The following KCNN2 variants were observed in gnomAD, a reference collection of about 807,000 sequenced individuals.
KCNN2 encodes small conductance calcium-activated potassium channel protein 2.
In KCNN2, 24 loss-of-function variants were observed where a neutral mutation model predicts 55.5. The ratio of observed to expected loss-of-function variants is 0.43; its 90% CI spans 0.31 to 0.61. The LOEUF (loss-of-function observed/expected upper bound fraction) is 0.61, where lower values mean the gene tolerates loss of function less well. Among genes scored for constraint, KCNN2 ranks in the 20% least tolerant of loss-of-function variants. The pLI is 0.08. For synonymous variants in KCNN2, 431 were observed against 336.1 expected (o/e 1.28, Z -3.09); for missense variants, 754 against 853.6 (o/e 0.88, Z 1.45).
intron 2 of KCNN2, among the ~76,000 whole-genome samples, chr5:114,312,604 T>C (rs147093488): frequency 4.6e-5 from 7 of 151,564 alleles, no homozygotes; most frequent in Admixed American, 6.6e-5. Context: ...CTTCTAAGTG[T>C]TGAATGCAAC....
At chr5:114,315,372 C>T (rs1319690166) in intron 2 of KCNN2, among the ~76,000 whole-genome samples, 1 of 151,456 alleles carries the variant, frequency 6.6e-6, no homozygotes, top group African/African-American at 2.4e-5. Flanking sequence ...TAGCATGGAA[C>T]ACACTAAAAT....
At chr5:114,437,440 A>G (rs575144757) in intron 3 of KCNN2, among the ~76,000 whole-genome samples, 167 of 152,286 alleles carry the variant, frequency 1.1e-3, no homozygotes, top group African/African-American at 3.8e-3. Context: ...GTAATCTAGT[A>G]GGGGAAAAAG....
chr5:114,149,550 G>A (rs1010765071), intron 1 of KCNN2, among the ~76,000 whole-genome samples: 47 of 152,244 alleles, frequency 3.1e-4, no homozygotes, highest in African/African-American at 9.1e-4. Flanking sequence ...GTGAGGGCGG[G>A]GGTAGGTTAG....
intron 1 of KCNN2, among the ~76,000 whole-genome samples, chr5:114,136,837 C>T (rs1752183857): frequency 6.6e-6 from 1 of 152,148 alleles, no homozygotes; most frequent in African/African-American, 2.4e-5. Flanking sequence ...TAAATAAGCT[C>T]TAGCAAGTGG....
intron 2 of KCNN2, among the ~76,000 whole-genome samples, chr5:114,263,097 C>T (rs1487208525): frequency 2.0e-5 from 3 of 152,114 alleles, no homozygotes; most frequent in Non-Finnish European, 4.4e-5. Context: ...CTTAACCCAC[C>T]CCACCTTTCA....
chr5:114,176,138 C>T (rs1305149962), intron 1 of KCNN2, among the ~76,000 whole-genome samples: 2 of 152,120 alleles, frequency 1.3e-5, no homozygotes, highest in Non-Finnish European at 2.9e-5. Context: ...TGTTGTTGGG[C>T]CTGTCATGTG....
intron 1 of KCNN2, among the ~76,000 whole-genome samples, chr5:114,075,921 A>G (rs1750676860): frequency 6.6e-6 from 1 of 152,228 alleles, no homozygotes. Context: ...CAGATGTGTG[A>G]TTGAGCCCTT....
At chr5:114,241,940 T>C (rs1252151411) in intron 2 of KCNN2, among the ~76,000 whole-genome samples, 1 of 149,724 alleles carries the variant, frequency 6.7e-6, no homozygotes, top group Non-Finnish European at 1.5e-5. Context: ...TACAGCTATA[T>C]AGAACCATGA....
chr5:114,324,877 G>C (rs1580722879), intron 2 of KCNN2, among the ~76,000 whole-genome samples: 1 of 152,146 alleles, frequency 6.6e-6, no homozygotes, highest in Non-Finnish European at 1.5e-5. Flanking sequence ...CTGCTAGTGA[G>C]GACTCAGAAG....
intron 2 of KCNN2, among the ~76,000 whole-genome samples, chr5:114,251,101 G>A (rs1754848972): frequency 6.6e-6 from 1 of 152,118 alleles, no homozygotes; most frequent in Non-Finnish European, 1.5e-5. Context: ...TTGCATCCTG[G>A]TAACAGTCAG....
At chr5:114,433,170 C>G (rs1759862775) in intron 3 of KCNN2, among the ~76,000 whole-genome samples, 1 of 152,214 alleles carries the variant, frequency 6.6e-6, no homozygotes, top group South Asian at 2.1e-4. Context: ...CTTGGAGAAC[C>G]TTTATGTCTA....
At chr5:114,074,447 C>T (rs964983791) in intron 1 of KCNN2, among the ~76,000 whole-genome samples, 2 of 152,200 alleles carry the variant, frequency 1.3e-5, no homozygotes, top group African/African-American at 4.8e-5. Context: ...ATCCCCCTCA[C>T]TTATGCAGGC....
intron 1 of KCNN2, among the ~76,000 whole-genome samples, chr5:114,181,632 G>C (rs1753242429): frequency 6.6e-6 from 1 of 152,046 alleles, no homozygotes; most frequent in Admixed American, 6.5e-5. Context: ...GTTGTTTTCT[G>C]TTTCCTGTGT....
intron 1 of KCNN2, among the ~76,000 whole-genome samples, chr5:114,198,069 C>G (rs147122540): frequency 3.0e-4 from 46 of 152,142 alleles, no homozygotes; most frequent in African/African-American, 9.4e-4. Flanking sequence ...CTCCTCCCCC[C>G]ACTTTTTAAG....
chr5:114,220,633 C>G (rs1754117365), intron 1 of KCNN2, among the ~76,000 whole-genome samples: 1 of 151,762 alleles, frequency 6.6e-6, no homozygotes, highest in African/African-American at 2.4e-5. Flanking sequence ...AATTAGAAAT[C>G]CTGGCATTGA....
chr5:114,390,669 A>G (rs536616226), intron 2 of KCNN2, among the ~76,000 whole-genome samples: 1 of 152,150 alleles, frequency 6.6e-6, no homozygotes, highest in Non-Finnish European at 1.5e-5. Context: ...AATCAACCCT[A>G]GATCTGCTTG....
intron 1 of KCNN2, among the ~76,000 whole-genome samples, chr5:114,093,801 C>T (rs1262800672): frequency 6.6e-6 from 1 of 152,170 alleles, no homozygotes; most frequent in African/African-American, 2.4e-5. Context: ...CAATTACCTC[C>T]ACCTGGTCTC....
At chr5:114,403,720 G>T (rs1758854607) in intron 2 of KCNN2, among the ~76,000 whole-genome samples, 1 of 152,194 alleles carries the variant, frequency 6.6e-6, no homozygotes, top group South Asian at 2.1e-4. Context: ...TTTCTCGCTG[G>T]TTTTTTCTTC....
intron 2 of KCNN2, among the ~76,000 whole-genome samples, chr5:114,366,245 C>A (rs1757596078): frequency 6.6e-6 from 1 of 152,156 alleles, no homozygotes; most frequent in Non-Finnish European, 1.5e-5. Flanking sequence ...GAATGACTCT[C>A]CACGGCAAAT....
Sources: allele counts gnomAD v4.1 joint callset (sites outside exome capture counted in the v4.1 genomes callset), GRCh38; gene constraint gnomAD v4.1.1; transcripts MANE v1.5; gene names NCBI Gene and HGNC (gene_info 2026-07-23, HGNC 2026-07-21).